Variants in SCO2 observed in about 807,000 individuals in gnomAD.
The protein encoded by SCO2 is cytochrome c oxidase assembly factor SCO2.
For synonymous variants in SCO2, 195 were observed against 148.6 expected (o/e 1.31, Z -2.27); for missense variants, 429 against 348.7 (o/e 1.23, Z -1.83).
upstream of SCO2, chr22:50,525,633 C>G: frequency 7.4e-7 from 1 of 1,349,000 alleles, no homozygotes; most frequent in Non-Finnish European, 1.0e-6. Flanking sequence ...GGCGCAGCCG[C>G]TGACAGGCTC....
At chr22:50,524,924 CT>C (rs2069270467) in intron 1 of SCO2, 1 of 342,146 alleles carries the variant, frequency 2.9e-6, no homozygotes, top group African/African-American at 2.2e-5. Context: ...GGAGCTCAGA[CT>C]CTGCCCGCCG....
rs2069187848 is a variant in SCO2 at position 50,523,663 on chromosome 22, A to G, written c.749T>C (p.Ile250Thr). Residue 250 changes from isoleucine to threonine, a missense_variant, in exon 2 of 2, where the codon ATC (isoleucine) becomes ACC (threonine). Physicochemically the swap from Ile to Thr is moderately conservative, Grantham distance 89. Coordinates refer to ENST00000395693, the MANE Select transcript of SCO2 (RefSeq NM_005138.3). ...YYGRSRSAEQ[I>T]SDSVRRHMAA... ...CATGTGCCGCCGCACACTGTCTGAG[A>G]TCTGCTCAGCCGATCTGCTCCGGCC... is the stretch of plus-strand genomic sequence containing the variant. 3.1e-6 allele frequency: 5 copies of G among 1,614,036 alleles called. No homozygotes were observed. The highest frequency in any genetic ancestry group is 1.7e-6 in the Non-Finnish European group (2 of 1,180,018).
At position 50,524,416 on chromosome 22, in the gene SCO2, C is replaced by G; in HGVS notation, c.-5G>C. The G allele has an allele frequency of 6.2e-7, 1 of 1,608,132 alleles. No homozygotes were observed. The highest frequency in any genetic ancestry group is 8.5e-7 in the Non-Finnish European group (1 of 1,179,808). ...GCTCCGAGTCAGCAGCAGCATGGAT[C>G]TGATGCTCCTGGAAACAAGCACAGG... On this transcript the variant is annotated 5_prime_UTR_variant, in exon 2 of 2. Coordinates refer to ENST00000395693, the MANE Select transcript of SCO2 (RefSeq NM_005138.3).
At chr22:50,525,601 C>T (rs975418860), upstream of SCO2, 6 of 1,038,296 alleles carry the variant, frequency 5.8e-6, no homozygotes, top group Non-Finnish European at 8.6e-6. Flanking sequence ...CAGGCGTCCC[C>T]GGAGCTGCGC....
At position 50,524,213 on chromosome 22, in the gene SCO2, A is replaced by T. The variant is rs777171930; in HGVS notation, c.199T>A (p.Phe67Ile). Residue 67 changes from phenylalanine to isoleucine, a missense_variant, in exon 2 of 2, where the codon TTC becomes ATC. By Grantham distance (21) the Phe-to-Ile change is conservative. Transcript: ENST00000395693. ...LRTRLLITGL[F>I]GAGLGGAWLA... ...CAGGCCCCACCGAGTCCAGCCCCGA[A>T]CAGGCCTGTGATCAGCAGCCGGGTT... The T allele has an allele frequency of 1.9e-6, 3 of 1,608,004 alleles. No homozygotes were observed. The Admixed American group carries it at 5.0e-5, about 27-fold the overall frequency.
chr22:50,524,896 C>T, intron 1 of SCO2: 1 of 177,080 alleles, frequency 5.6e-6, no homozygotes, highest in Non-Finnish European at 1.2e-5. Flanking sequence ...CAGCAGAAAA[C>T]CTGCACGACC....
rs1479466479 is a variant in SCO2 at position 50,524,422 on chromosome 22, C to T, written c.-11G>A. 3 of 1,609,340 alleles carry T rather than the reference C, an allele frequency of 1.9e-6. No homozygotes were observed. Among genetic ancestry groups the T allele is most frequent in the South Asian group, 1.1e-5 (1 of 91,010 alleles). The stretch of plus-strand genomic sequence containing the variant: ...AGTCAGCAGCAGCATGGATCTGATG[C>T]TCCTGGAAACAAGCACAGGCGTCAG... On this transcript the variant is annotated splice_region_variant and 5_prime_UTR_variant, in exon 2 of 2. Transcript: ENST00000395693.
rs140523 is a variant in SCO2 at position 50,524,353 on chromosome 22, C to A, written c.59G>T (p.Arg20Leu). 29 of 1,601,470 alleles carry A rather than the reference C, an allele frequency of 1.8e-5. No homozygotes were observed. The highest frequency in any genetic ancestry group is 3.3e-5 in the South Asian group (3 of 91,070). ...AWHRLSQLKPRVLPGTLGGQA... is the reference protein window; with the variant it reads ...AWHRLSQLKPLVLPGTLGGQA... ...GCCTCCCAGGGTCCCAGGGAGGACCCGAGGCTTGAGCTGAGAGAGCCTGTG... is the reference window on the plus strand; with the variant it reads ...GCCTCCCAGGGTCCCAGGGAGGACCAGAGGCTTGAGCTGAGAGAGCCTGTG... The change falls in exon 2 of 2, where the codon CGG becomes CTG. Residue 20 changes from arginine to leucine, a missense_variant. Physicochemically the swap from Arg to Leu is moderately radical, Grantham distance 102. Transcript: ENST00000395693.
At chr22:50,525,448 C>A in intron 1 of SCO2, 24 bp downstream of exon 1, 1 of 426,016 alleles carries the variant, frequency 2.3e-6, no homozygotes, top group South Asian at 2.4e-5. Flanking sequence ...CTACCTCCTC[C>A]CCTCCCAGCC....
At chr22:50,524,656 C>T (rs1414586006) in intron 1 of SCO2, 5 of 692,540 alleles carry the variant, frequency 7.2e-6, no homozygotes, top group Admixed American at 2.0e-5. Context: ...AGCCTGTCAC[C>T]GCACCCTGCC....
chr22:50,525,724 T>G, upstream of SCO2: 1 of 1,591,700 alleles, frequency 6.3e-7, no homozygotes, highest in South Asian at 1.1e-5. Context: ...CCCTGGATCC[T>G]TCCGCTCCCG....
intron 1 of SCO2, among the ~76,000 whole-genome samples, chr22:50,525,047 C>T (rs1464322985): frequency 1.3e-5 from 2 of 152,244 alleles, no homozygotes; most frequent in Non-Finnish European, 2.9e-5. Flanking sequence ...CAGCCGACGC[C>T]CTGCCTTTGC....
upstream of SCO2, chr22:50,525,721 T>A (rs887410162): frequency 1.3e-6 from 2 of 1,588,794 alleles, no homozygotes; most frequent in Non-Finnish European, 1.7e-6. Context: ...CAGCCCTGGA[T>A]CCTTCCGCTC....
Position 50,523,795 on chromosome 22 carries a change from CG to C in SCO2, c.616del (p.Arg206AlafsTer71), listed in dbSNP as rs773530910. 6.2e-7 allele frequency: 1 copy of C among 1,614,130 alleles called. No individual in the cohort carries two copies. Among genetic ancestry groups the C allele is most frequent in the Non-Finnish European group, 8.5e-7 (1 of 1,180,016 alleles). On this transcript the variant is annotated frameshift_variant, in exon 2 of 2. Coordinates refer to ENST00000395693, the MANE Select transcript of SCO2 (RefSeq NM_005138.3). LOFTEE classifies it high-confidence loss of function. The stretch of plus-strand genomic sequence containing the variant: ...CTTGGGGCCTGCATTGTAGTACACG[CG>C]GTAACTGTGACTAGCCTGGGCAACC... ...KQVAQASHSY[R>X]VYYNAGPKDE...
chr22:50,526,253 G>A (rs2148677562), upstream of SCO2: 2 of 1,535,846 alleles, frequency 1.3e-6, no homozygotes, highest in Non-Finnish European at 1.7e-6. Context: ...CACCATCTGC[G>A]GGCGCCAGCA....
Position 50,524,135 on chromosome 22 carries a change from C to T in SCO2, c.277G>A (p.Ala93Thr). The change falls in exon 2 of 2, where the codon GCC (alanine) becomes ACC (threonine). Residue 93 changes from alanine (A) to threonine (T), a missense_variant. Ala to Thr is a moderately conservative substitution (Grantham distance 58). Transcript: ENST00000395693. ...TGGCCCACAGCTGCCTGGCGCAGGGCTTCTGTTCGCTTTTGCTGCTGCAGC... is the reference window on the plus strand; with the variant it reads ...TGGCCCACAGCTGCCTGGCGCAGGGTTTCTGTTCGCTTTTGCTGCTGCAGC... ...ERLQQQKRTE[A>T]LRQAAVGQGD... is the part of the protein sequence containing the mutation. 1 of 1,612,284 alleles carries T rather than the reference C, an allele frequency of 6.2e-7. No homozygotes were observed. Among genetic ancestry groups the T allele is most frequent in the Non-Finnish European group, 8.5e-7 (1 of 1,180,016 alleles).
Position 50,524,226 on chromosome 22 carries a change from C to T in SCO2, c.186G>A (p.Leu62=), listed in dbSNP as rs28450572. The T allele has an allele frequency of 6.2e-6, 10 of 1,607,826 alleles. No homozygotes were observed. Among genetic ancestry groups the T allele is most frequent in the Non-Finnish European group, 8.5e-6 (10 of 1,179,898 alleles). Residue 62 remains leucine (L), a synonymous_variant, in exon 2 of 2, where the codon CTG becomes CTA. Coordinates refer to ENST00000395693, the MANE Select transcript of SCO2 (RefSeq NM_005138.3). ...PQGPGLRTRL[L]ITGLFGAGLG... ...GTCCAGCCCCGAACAGGCCTGTGAT[C>T]AGCAGCCGGGTTCGAAGCCCAGGGC...
chr22:50,525,932 G>T, upstream of SCO2: 1 of 1,442,058 alleles, frequency 6.9e-7, no homozygotes, highest in East Asian at 2.8e-5. Context: ...CAGAGCGAGG[G>T]GCTGTTAGAG....
chr22:50,525,035 C>T (rs6009979), intron 1 of SCO2, among the ~76,000 whole-genome samples: 1,963 of 152,340 alleles, frequency 0.013, 39 homozygotes, highest in African/African-American at 0.044. Flanking sequence ...CCTCCGGGCT[C>T]ACAGCCGACG....
Sources: gnomAD v4.1 joint callset for allele counts (sites outside exome capture counted in the v4.1 genomes callset) on GRCh38, gnomAD v4.1.1 for gene constraint, MANE v1.5 for transcripts, NCBI Gene and HGNC (gene_info 2026-07-23, HGNC 2026-07-21) for gene names.